The following DDHD1 variants were observed in gnomAD, a reference collection of about 807,000 sequenced individuals.
The protein encoded by DDHD1 is phospholipase DDHD1.
Under a neutral mutation model 96.4 loss-of-function variants are expected in DDHD1, and 49 were observed. The ratio of observed to expected loss-of-function variants is 0.51; its 90% CI spans 0.40 to 0.64. The LOEUF (loss-of-function observed/expected upper bound fraction) is 0.64. Ranked by LOEUF, DDHD1 falls within the 30% of genes least tolerant of loss-of-function variation. DDHD1 has a pLI of 0.00. For synonymous variants in DDHD1, 442 were observed against 446.5 expected, an observed-to-expected ratio of 0.99 and a Z score of 0.13; for missense variants, 1,106 against 1,161.2, an observed-to-expected ratio of 0.95 and a Z score of 0.69.
chr14:53,065,475 T>C (rs940709208), intron 6 of DDHD1, among the ~76,000 whole-genome samples: 2 of 152,208 alleles, frequency 1.3e-5, no homozygotes, highest in Admixed American at 6.5e-5. Flanking sequence ...TGTGTTACTT[T>C]AGAGTTGAAG....
chr14:53,082,297 T>C (rs1423918729), intron 4 of DDHD1, among the ~76,000 whole-genome samples: 1 of 152,170 alleles, frequency 6.6e-6, no homozygotes, highest in African/African-American at 2.4e-5. Flanking sequence ...TAAATAGCTG[T>C]AAAACATAAG....
In DDHD1 at chr14:53,152,583, G is replaced by A. The variant is rs780002830; in HGVS notation, c.516C>T (p.Tyr172=). ...ELGPEEVRWF[Y]KEDKKTWKPF... is the part of the protein sequence containing the mutation. The stretch of plus-strand genomic sequence containing the variant: ...GCTTCCAGGTCTTCTTGTCCTCCTT[G>A]TAGAACCAGCGTACCTCCTCCGGGC... Residue 172 remains tyrosine (Y), a synonymous_variant, in exon 1 of 13, where the codon TAC becomes TAT. Coordinates refer to ENST00000673822, the MANE Select transcript of DDHD1 (RefSeq NM_001160148.2). The A allele has an allele frequency of 6.2e-7, 1 of 1,613,880 alleles. No homozygotes were observed. Among genetic ancestry groups the A allele is most frequent in the Non-Finnish European group, 8.5e-7 (1 of 1,179,950 alleles).
chr14:53,152,683 G>A lies in DDHD1; in HGVS notation c.416C>T (p.Ser139Phe), dbSNP rs1325253297. The A allele has an allele frequency of 6.2e-7, 1 of 1,612,292 alleles. No individual in the cohort carries two copies. Residue 139 changes from serine (S) to phenylalanine (F), a missense_variant, in exon 1 of 13, where the codon TCC (serine) becomes TTC (phenylalanine). By Grantham distance (155) the Ser-to-Phe change is radical. This residue lies in a region of DDHD1 where 456 missense variants were observed against 402.4 expected (regional missense o/e 1.13). Transcript: ENST00000673822. ...NSGGGGATGG[S>F]PGERKRTRLG... ...CCGGGTACGTTTCCTTTCCCCGGGGGACCCTCCTGTCGCGCCGCCGCCCCC... is the reference window on the plus strand; with the variant it reads ...CCGGGTACGTTTCCTTTCCCCGGGGAACCCTCCTGTCGCGCCGCCGCCCCC...
intron 1 of DDHD1, among the ~76,000 whole-genome samples, chr14:53,114,515 C>G (rs1377965825): frequency 6.6e-6 from 1 of 152,236 alleles, no homozygotes; most frequent in South Asian, 2.1e-4. Context: ...CAGTGCCCCT[C>G]TGGGACAAAG....
At chr14:53,054,818 G>A (rs1882901043) in intron 10 of DDHD1, among the ~76,000 whole-genome samples, 189 bp from the exon 11 acceptor site, 1 of 152,156 alleles carries the variant, frequency 6.6e-6, no homozygotes, top group Non-Finnish European at 1.5e-5. Context: ...TAGAATGAGA[G>A]TTGTATAAGC....
chr14:53,094,357 A>T (rs963895990), intron 2 of DDHD1, among the ~76,000 whole-genome samples: 1 of 152,182 alleles, frequency 6.6e-6, no homozygotes, highest in South Asian at 2.1e-4. Context: ...AAATTGAAAG[A>T]TATTTTAGTA....
chr14:53,074,277 T>C (rs2139920118), intron 4 of DDHD1, among the ~76,000 whole-genome samples: 1 of 151,888 alleles, frequency 6.6e-6, no homozygotes, highest in Non-Finnish European at 1.5e-5. Context: ...AATTGACCCT[T>C]TTCTCCCTTT....
chr14:53,085,222 C>G (rs1885842196), intron 4 of DDHD1, among the ~76,000 whole-genome samples: 2 of 152,190 alleles, frequency 1.3e-5, no homozygotes, highest in African/African-American at 4.8e-5. Flanking sequence ...GGCAGCAGAA[C>G]CTTCTGCAGG....
intron 11 of DDHD1, chr14:53,052,670 C>T (rs1033593278): frequency 6.6e-6 from 1 of 151,928 alleles, no homozygotes; most frequent in Non-Finnish European, 1.5e-5. Flanking sequence ...AAGGCAGAAT[C>T]TTATTATAAT....
chr14:53,123,103 C>T (rs1216168211), intron 1 of DDHD1, among the ~76,000 whole-genome samples: 1 of 146,060 alleles, frequency 6.8e-6, no homozygotes, highest in Non-Finnish European at 1.5e-5. Flanking sequence ...ACAAATGTAC[C>T]AGATAATTGC....
In DDHD1 at chr14:53,046,948, C is replaced by A; in HGVS notation, c.2523G>T (p.Val841=). The change falls in exon 13 of 13, where the codon GTG becomes GTT. Residue 841 remains valine, a splice_region_variant and synonymous_variant. Transcript: ENST00000673822. ...NVMQNKDNAL[V]ELDHRIDFEL... The stretch of plus-strand genomic sequence containing the variant: ...CAAAATCAATCCTGTGATCCAACTC[C>A]ACTAAAAAGAAAAGAAGTTAAACAA... 1 of 1,598,044 alleles carries A rather than the reference C, an allele frequency of 6.3e-7. No individual in the cohort carries two copies. Among genetic ancestry groups the A allele is most frequent in the Non-Finnish European group, 8.5e-7 (1 of 1,173,648 alleles).
Position 53,152,367 on chromosome 14 carries a change from G to C in DDHD1, c.732C>G (p.His244Gln), listed in dbSNP as rs1228494570. ...TCACAAGCTCCACCATCTCCGGCTCGTGCCCCGTCGTACTCTGGCAGAAGC... is the reference window on the plus strand; with the variant it reads ...TCACAAGCTCCACCATCTCCGGCTCCTGCCCCGTCGTACTCTGGCAGAAGC... ...ACGFCQSTTG[H>Q]EPEMVELVNI... The change falls in exon 1 of 13, where the codon CAC becomes CAG. Residue 244 changes from histidine (H) to glutamine (Q), a missense_variant. By Grantham distance (24) the His-to-Gln change is conservative. This residue lies in a region of DDHD1 where 456 missense variants were observed against 402.4 expected (regional missense o/e 1.13). Transcript: ENST00000673822. 2 of 1,613,726 alleles carry C rather than the reference G, an allele frequency of 1.2e-6. No individual in the cohort carries two copies. The highest frequency in any genetic ancestry group is 1.7e-6 in the Non-Finnish European group (2 of 1,179,968).
At chr14:53,056,041 C>G in intron 9 of DDHD1, 129 bp from the exon 10 acceptor site, 1 of 734,390 alleles carries the variant, frequency 1.4e-6, no homozygotes, top group Non-Finnish European at 2.2e-6. Flanking sequence ...AAAACAATAG[C>G]TATTTCAAAC....
intron 1 of DDHD1, among the ~76,000 whole-genome samples, chr14:53,142,454 G>C (rs1890702899): frequency 6.9e-6 from 1 of 144,134 alleles, no homozygotes; most frequent in Non-Finnish European, 1.5e-5. Flanking sequence ...TTTCTTGCCG[G>C]CATGGCAAAA....
intron 4 of DDHD1, among the ~76,000 whole-genome samples, chr14:53,078,477 T>C (rs889139833): frequency 6.6e-6 from 1 of 152,186 alleles, no homozygotes; most frequent in Admixed American, 6.6e-5. Context: ...GGGGTCTTCC[T>C]TTTTTAAAAA....
At chr14:53,054,745 T>C in intron 10 of DDHD1, 116 bp from the exon 11 acceptor site, 2 of 940,632 alleles carry the variant, frequency 2.1e-6, no homozygotes, top group Non-Finnish European at 3.2e-6. Flanking sequence ...GTCATGTTTT[T>C]CCAGGGTGGG....
rs544299155 is a variant in DDHD1, at chr14:53,088,795, T to A, written c.1289+2990A>T. Among the ~76,000 whole-genome samples, 472 of 152,240 alleles carry A rather than the reference T, an allele frequency of 3.1e-3. 1 individual carries two copies. Among genetic ancestry groups the A allele is most frequent in the Non-Finnish European group, 4.7e-3 (317 of 68,004 alleles). On this transcript the variant is annotated intron_variant, in intron 4 of 12. Coordinates refer to ENST00000673822, the MANE Select transcript of DDHD1 (RefSeq NM_001160148.2). ...ATGCCCTCTCTCACCACTCCTATTC[T>A]ACATAGTGTTGGAAGTTCTGGCCAG...
chr14:53,095,122 T>C (rs73294052), intron 2 of DDHD1, among the ~76,000 whole-genome samples: 4,801 of 152,284 alleles, frequency 0.032, 248 homozygotes, highest in African/African-American at 0.1. Context: ...ATAATTCTTA[T>C]GTTTTGAGGA....
At chr14:53,096,476 T>G (rs1185387835) in intron 2 of DDHD1, among the ~76,000 whole-genome samples, 2 of 152,192 alleles carry the variant, frequency 1.3e-5, no homozygotes, top group East Asian at 3.9e-4. Flanking sequence ...GTTTAATGTC[T>G]TTGCATAGAA....
Sources: gnomAD v4.1 joint callset for allele counts (sites outside exome capture counted in the v4.1 genomes callset) on GRCh38, gnomAD v4.1.1 for gene constraint, gnomAD v4.1.1 regional missense constraint, MANE v1.5 for transcripts, NCBI Gene and HGNC (gene_info 2026-07-23, HGNC 2026-07-21) for gene names.